Variants in RAB6B observed in about 807,000 individuals in gnomAD.
RAB6B encodes the protein ras-related protein Rab-6B.
A neutral mutation model predicts 31.2 loss-of-function variants in RAB6B; 7 were observed. The ratio of observed to expected loss-of-function variants is 0.22; its 90% confidence interval spans 0.13 to 0.42. The LOEUF is 0.42. Among genes scored for constraint, RAB6B ranks in the 10% least tolerant of loss-of-function variants. The pLI, the probability that RAB6B is intolerant of heterozygous loss-of-function variation, is 1.00. For missense variants in RAB6B, 149 were observed against 280.6 expected, an observed-to-expected ratio of 0.53 and a Z score of 3.35; for synonymous variants, 105 against 104.9, an observed-to-expected ratio of 1.00 and a Z score of -0.01.
intron 7 of RAB6B, among the ~76,000 whole-genome samples, chr3:133,831,811 C>G (rs570039095): frequency 6.6e-6 from 1 of 152,340 alleles, no homozygotes; most frequent in Admixed American, 6.5e-5. Context: ...TGCCCAATGT[C>G]CCTTCTCCCT....
intron 2 of RAB6B, among the ~76,000 whole-genome samples, chr3:133,858,730 C>T (rs539766941): frequency 5.9e-5 from 9 of 152,292 alleles, no homozygotes; most frequent in African/African-American, 1.4e-4. Flanking sequence ...AGACACAATT[C>T]AGCCCATGTT....
intron 1 of RAB6B, chr3:133,885,684 C>T: frequency 1.4e-6 from 1 of 699,216 alleles, no homozygotes; most frequent in Admixed American, 2.0e-5. Context: ...ATAGGATGGA[C>T]AGGGGAGCTT....
chr3:133,871,307 C>T (rs866942039), intron 1 of RAB6B, among the ~76,000 whole-genome samples: 13 of 152,204 alleles, frequency 8.5e-5, no homozygotes, highest in African/African-American at 2.4e-4. Flanking sequence ...AAGGAAAGGC[C>T]GCTCTGCTGG....
chr3:133,847,544 G>GA (rs1473917235), intron 2 of RAB6B, among the ~76,000 whole-genome samples: 3 of 152,066 alleles, frequency 2.0e-5, no homozygotes, highest in Non-Finnish European at 4.4e-5. Flanking sequence ...CTTTTGAGTG[G>GA]AAAAATCCCT....
chr3:133,873,091 G>T (rs1178540819), intron 1 of RAB6B, among the ~76,000 whole-genome samples: 1 of 152,172 alleles, frequency 6.6e-6, no homozygotes, highest in African/African-American at 2.4e-5. Context: ...CCAAACAGGG[G>T]GCCCAGTAAG....
intron 6 of RAB6B, among the ~76,000 whole-genome samples, 156 bp downstream of exon 6, chr3:133,838,010 G>C (rs1184604341): frequency 6.6e-6 from 1 of 152,200 alleles, no homozygotes; most frequent in Non-Finnish European, 1.5e-5. Context: ...CCGGAAATTA[G>C]CTCTCCCCTC....
intron 2 of RAB6B, among the ~76,000 whole-genome samples, chr3:133,860,899 C>T (rs1290998194): frequency 6.6e-6 from 1 of 152,216 alleles, no homozygotes; most frequent in Non-Finnish European, 1.5e-5. Context: ...ACAATCACTG[C>T]TGAGGCTTTA....
intron 1 of RAB6B, chr3:133,885,620 C>A: frequency 1.4e-6 from 1 of 702,952 alleles, no homozygotes; most frequent in Non-Finnish European, 2.6e-6. Flanking sequence ...CCAGCAGTCC[C>A]GCAGAACACC....
intron 1 of RAB6B, among the ~76,000 whole-genome samples, chr3:133,880,993 C>T (rs775260316): frequency 6.6e-6 from 1 of 152,208 alleles, no homozygotes; most frequent in Non-Finnish European, 1.5e-5. Context: ...GGCACAGGAC[C>T]ACCAAGCAGG....
In RAB6B at chr3:133,873,716, G is replaced by T. The variant is rs533681698; in HGVS notation, c.71-9074C>A. 1.3e-3 allele frequency among the ~76,000 whole-genome samples: 196 copies of T among 152,288 alleles called. 2 individuals are homozygous for T. The highest frequency in any genetic ancestry group is 4.5e-3 in the African/African-American group (185 of 41,554). ...GTGACGTTTTAATATATAGAGAGTT[G>T]ACCCTTGAAGAAGGCAAGAGTTGGG... is the stretch of plus-strand genomic sequence containing the variant. On this transcript the variant is annotated intron_variant, in intron 1 of 7. Transcript: ENST00000285208.
intron 1 of RAB6B, among the ~76,000 whole-genome samples, chr3:133,883,195 A>T: frequency 6.6e-6 from 1 of 152,196 alleles, no homozygotes; most frequent in African/African-American, 2.4e-5. Context: ...GGGGAGGAAG[A>T]GACAAAGCTC....
intron 1 of RAB6B, among the ~76,000 whole-genome samples, chr3:133,892,636 C>T (rs548156478): frequency 6.6e-6 from 1 of 152,208 alleles, no homozygotes; most frequent in Non-Finnish European, 1.5e-5. Flanking sequence ...CAGCTCCTTC[C>T]CCTGGCCCAT....
intron 7 of RAB6B, among the ~76,000 whole-genome samples, chr3:133,831,134 G>C (rs962731429): frequency 6.6e-6 from 1 of 152,314 alleles, no homozygotes; most frequent in Admixed American, 6.5e-5. Flanking sequence ...TTTGTACACT[G>C]CACAGCAATA....
intron 2 of RAB6B, among the ~76,000 whole-genome samples, chr3:133,861,479 G>A (rs965128873): frequency 1.3e-5 from 2 of 152,178 alleles, no homozygotes; most frequent in Admixed American, 1.3e-4. Context: ...TGAGAGGTCT[G>A]TAGAACCCAG....
chr3:133,843,748 G>GA (rs1287734148), intron 2 of RAB6B, among the ~76,000 whole-genome samples: 1 of 152,190 alleles, frequency 6.6e-6, no homozygotes, highest in Non-Finnish European at 1.5e-5. Context: ...ATGTGAACGT[G>GA]ATGTAGGCAT....
Position 133,841,349 on chromosome 3 carries a change from G to A in RAB6B, c.225C>T (p.Phe75=). ...GGATGTAGCTGGGGATCAGGCTGCG[G>A]AACCTCTCCTGACCAGCTGTGTCCC... ...QLWDTAGQER[F]RSLIPSYIRD... is the part of the protein sequence containing the mutation. Residue 75 remains phenylalanine (F), a synonymous_variant, in exon 4 of 8, where the codon TTC becomes TTT. Transcript: ENST00000285208. The A allele has an allele frequency of 6.2e-7, 1 of 1,614,162 alleles. No individual in the cohort carries two copies. The highest frequency in any genetic ancestry group is 8.5e-7 in the Non-Finnish European group (1 of 1,180,026).
At chr3:133,835,496 GTGTGTGTT>G (rs1308283775) in intron 6 of RAB6B, among the ~76,000 whole-genome samples, 2 of 151,558 alleles carry the variant, frequency 1.3e-5, no homozygotes, top group East Asian at 1.9e-4. Flanking sequence ...GTGTGTGTGT[GTGTGTGTT>G]TGGGCAGGTG....
At chr3:133,839,391 G>T in intron 5 of RAB6B, 115 bp downstream of exon 5, 1 of 889,380 alleles carries the variant, frequency 1.1e-6, no homozygotes. Context: ...GACCTTTTCC[G>T]GATGCATGGT....
In RAB6B at chr3:133,852,356, A is replaced by G. The variant is rs543209819; in HGVS notation, c.130-10693T>C. 1.8e-4 allele frequency among the ~76,000 whole-genome samples: 27 copies of G among 152,318 alleles called. No individual in the cohort carries two copies. In the South Asian group the frequency reaches 2.5e-3, roughly 14 times the overall value. ...TCTGTGAGGGTCTGTATCACAAATC[A>G]TCATGTGAGGAAAGTCTCTATCTTG... On this transcript the variant is annotated intron_variant, in intron 2 of 7. Coordinates refer to ENST00000285208, the MANE Select transcript of RAB6B (RefSeq NM_016577.4).
Sources: gnomAD v4.1 joint callset for allele counts (sites outside exome capture counted in the v4.1 genomes callset) on GRCh38, gnomAD v4.1.1 for gene constraint, MANE v1.5 for transcripts, NCBI Gene and HGNC (gene_info 2026-07-23, HGNC 2026-07-21) for gene names.